Variants in GALNT18 observed in about 807,000 individuals in gnomAD.
GALNT18 encodes polypeptide N-acetylgalactosaminyltransferase 18, also known as GalNAc-transferase 18.
Under a neutral mutation model 69.5 loss-of-function variants are expected in GALNT18, and 44 were observed. The ratio of observed to expected loss-of-function variants is 0.63; its 90% CI spans 0.50 to 0.81. The LOEUF is 0.81. Ranked by LOEUF, GALNT18 falls within the 40% of genes least tolerant of loss-of-function variation. GALNT18 has a pLI of 0.00. For missense variants in GALNT18, 715 were observed against 810.0 expected (o/e 0.88, Z 1.42); for synonymous variants, 364 against 318.2 (o/e 1.14, Z -1.53).
chr11:11,278,406 C>T (rs1303865778), intron 10 of GALNT18, among the ~76,000 whole-genome samples: 1 of 151,304 alleles, frequency 6.6e-6, no homozygotes, highest in African/African-American at 2.4e-5. Flanking sequence ...GGAGAAATAC[C>T]TAATGTAGAT....
intron 10 of GALNT18, among the ~76,000 whole-genome samples, chr11:11,277,048 CTCTTTT>C (rs1226720871): frequency 3.9e-5 from 6 of 152,170 alleles, no homozygotes; most frequent in Non-Finnish European, 7.3e-5. Context: ...GGAGGATTCC[CTCTTTT>C]TCTATTGATT....
intron 1 of GALNT18, among the ~76,000 whole-genome samples, chr11:11,539,402 G>A (rs979232145): frequency 6.6e-5 from 10 of 152,214 alleles, no homozygotes; most frequent in African/African-American, 2.4e-4. Flanking sequence ...GGCCTCTCCT[G>A]AAGAGTGAGC....
chr11:11,283,016 C>A (rs1243021772), intron 10 of GALNT18, among the ~76,000 whole-genome samples: 2 of 152,100 alleles, frequency 1.3e-5, no homozygotes, highest in Non-Finnish European at 2.9e-5. Flanking sequence ...GAGATCTCAG[C>A]AAGGGCAAGG....
At chr11:11,304,686 C>A (rs1037078715) in intron 9 of GALNT18, among the ~76,000 whole-genome samples, 14 of 152,218 alleles carry the variant, frequency 9.2e-5, no homozygotes, top group Admixed American at 3.3e-4. Flanking sequence ...TTCCTGTATT[C>A]CCCTCCCTAC....
At chr11:11,295,164 T>C (rs990463393) in intron 9 of GALNT18, among the ~76,000 whole-genome samples, 3 of 152,134 alleles carry the variant, frequency 2.0e-5, no homozygotes, top group Non-Finnish European at 4.4e-5. Flanking sequence ...GGCAGATTCT[T>C]CCTGAAGCTC....
At chr11:11,519,270 G>A (rs897614099) in intron 1 of GALNT18, among the ~76,000 whole-genome samples, 5 of 152,188 alleles carry the variant, frequency 3.3e-5, no homozygotes, top group African/African-American at 1.2e-4. Context: ...CAGTATTAAG[G>A]AAAGTCAACA....
chr11:11,387,361 A>G lies in GALNT18; in HGVS notation c.596-8097T>C, dbSNP rs762326408. On this transcript the variant is annotated intron_variant, in intron 3 of 10. Coordinates refer to ENST00000227756, the MANE Select transcript of GALNT18 (RefSeq NM_198516.3). The surrounding 1 kb of genome is among the most constrained non-coding windows in gnomAD (Gnocchi z 4.6). ...GGCCACACCCCTCCTTCCTGGCTCAATGCTGCTCCTCAAAGCCCGGCCTGG... is the reference window on the plus strand; with the variant it reads ...GGCCACACCCCTCCTTCCTGGCTCAGTGCTGCTCCTCAAAGCCCGGCCTGG... Among the ~76,000 whole-genome samples the G allele has an allele frequency of 5.9e-5, 9 of 151,980 alleles. No homozygotes were observed. The highest frequency in any genetic ancestry group is 1.9e-4 in the East Asian group (1 of 5,156).
At position 11,377,208 on chromosome 11, in the gene GALNT18, C is replaced by T. The variant is rs1345771055; in HGVS notation, c.951G>A (p.Lys317=). Reference sequence around the variant, plus strand: ...TGATTGGCGCTGTGGAGTTCTCCAGCTTCCACCAGGCCTTGGGGGGATTTA... The same window carrying T: ...TGATTGGCGCTGTGGAGTTCTCCAGTTTCCACCAGGCCTTGGGGGGATTTA... ...RYLNPPKAWW[K]LENSTAPIRS... is the part of the protein sequence containing the mutation. The change falls in exon 5 of 11, where the codon AAG becomes AAA. Residue 317 remains lysine, a synonymous_variant. Coordinates refer to ENST00000227756, the MANE Select transcript of GALNT18 (RefSeq NM_198516.3). This position sits in a 1 kb window ranked among gnomAD's most constrained non-coding sequence, Gnocchi z 4.6. The T allele has an allele frequency of 1.2e-6, 2 of 1,613,366 alleles. No homozygotes were observed. Among genetic ancestry groups the T allele is most frequent in the East Asian group, 4.5e-5 (2 of 44,878 alleles).
At chr11:11,354,225 CAA>C (rs1329971710) in intron 6 of GALNT18, among the ~76,000 whole-genome samples, 1 of 152,170 alleles carries the variant, frequency 6.6e-6, no homozygotes. Context: ...TACAGATTTA[CAA>C]AAGAGATCAG....
In GALNT18 at chr11:11,296,184, G is replaced by A. The variant is rs376006571; in HGVS notation, c.1513-2991C>T. 1.2e-4 allele frequency among the ~76,000 whole-genome samples: 19 copies of A among 152,224 alleles called. No individual in the cohort carries two copies. In the South Asian group the frequency reaches 1.5e-3, roughly 12 times the overall value. On this transcript the variant is annotated intron_variant, in intron 9 of 10. Coordinates refer to ENST00000227756, the MANE Select transcript of GALNT18 (RefSeq NM_198516.3). ...GTCCCTGTCCTGGAGAAGCCATGCC[G>A]CATTAGGGAAACCAACAACATATCA...
chr11:11,588,138 G>A (rs968452789), intron 1 of GALNT18, among the ~76,000 whole-genome samples: 3 of 152,112 alleles, frequency 2.0e-5, no homozygotes, highest in Non-Finnish European at 2.9e-5. Context: ...TCAGCTGGAA[G>A]TGAGCCATAC....
intron 1 of GALNT18, among the ~76,000 whole-genome samples, chr11:11,554,806 T>C (rs917216987): frequency 6.6e-6 from 1 of 152,002 alleles, no homozygotes; most frequent in African/African-American, 2.4e-5. Context: ...TTATGGAAAG[T>C]GTCAGGGGAG....
chr11:11,580,915 C>T (rs1357854196), intron 1 of GALNT18, among the ~76,000 whole-genome samples: 1 of 152,248 alleles, frequency 6.6e-6, no homozygotes, highest in Non-Finnish European at 1.5e-5. Flanking sequence ...TTTGTAATCT[C>T]CACCGTCCTC....
rs932039409 is a variant in GALNT18 at position 11,621,449 on chromosome 11, C to T, written c.145G>A (p.Asp49Asn). The T allele has an allele frequency of 1.2e-6, 2 of 1,614,126 alleles. No individual in the cohort carries two copies. The highest frequency in any genetic ancestry group is 1.7e-6 in the Non-Finnish European group (2 of 1,180,006). Residue 49 changes from aspartate (D) to asparagine (N), a missense_variant, in exon 1 of 11, where the codon GAC becomes AAC. Physicochemically the swap from Asp to Asn is conservative, Grantham distance 23 (BLOSUM62 1). Transcript: ENST00000227756. This position sits in a 1 kb window ranked among gnomAD's most constrained non-coding sequence, Gnocchi z 9.3. ...VYVRGQEPAP[D>N]KKLEEDKGDT... is the part of the protein sequence containing the mutation. ...CCTTTGTCTTCCTCCAGCTTCTTGT[C>T]GGGCGCCGGCTCCTGCCCCCGCACA...
chr11:11,437,154 G>T (rs191237850), intron 2 of GALNT18, among the ~76,000 whole-genome samples: 2 of 152,164 alleles, frequency 1.3e-5, no homozygotes, highest in Non-Finnish European at 2.9e-5. Context: ...AGAGCTCTGG[G>T]AGTCACACTC....
At chr11:11,307,936 G>A (rs2133025085) in intron 9 of GALNT18, among the ~76,000 whole-genome samples, 1 of 152,340 alleles carries the variant, frequency 6.6e-6, no homozygotes, top group East Asian at 1.9e-4. Flanking sequence ...TTGGAAGTGG[G>A]CGCTTTGTCC....
rs1860124863 is a variant in GALNT18 at position 11,619,071 on chromosome 11, G to C, written c.235+2288C>G. 1.3e-5 allele frequency among the ~76,000 whole-genome samples: 2 copies of C among 152,144 alleles called. No individual in the cohort carries two copies. On this transcript the variant is annotated intron_variant, in intron 1 of 10. Coordinates refer to ENST00000227756, the MANE Select transcript of GALNT18 (RefSeq NM_198516.3). The surrounding 1 kb of genome is among the most constrained non-coding windows in gnomAD (Gnocchi z 4.9). ...TAAATCCCAGCTCAGGATGGCCCCA[G>C]CATGGCAAAGGGAACTGTTGGTCAT...
At chr11:11,350,855 C>A (rs1381821725) in intron 6 of GALNT18, among the ~76,000 whole-genome samples, 1 of 152,176 alleles carries the variant, frequency 6.6e-6, no homozygotes, top group Admixed American at 6.5e-5. Context: ...AGAAAAGCTG[C>A]ACAGGAGAGC....
At chr11:11,323,706 A>G (rs1296983339) in intron 9 of GALNT18, among the ~76,000 whole-genome samples, 1 of 152,158 alleles carries the variant, frequency 6.6e-6, no homozygotes, top group East Asian at 1.9e-4. Flanking sequence ...CTATGGTCCT[A>G]TGTACTCCAA....
Sources: allele counts gnomAD v4.1 joint callset (sites outside exome capture counted in the v4.1 genomes callset), GRCh38; gene constraint gnomAD v4.1.1; non-coding constraint Gnocchi (gnomAD v3.1); transcripts MANE v1.5; gene names NCBI Gene and HGNC (gene_info 2026-07-23, HGNC 2026-07-21).